TDRD3: variants seen among roughly 807,000 people sequenced by gnomAD.
TDRD3 encodes tudor domain containing 3.
In TDRD3, 45 loss-of-function variants were observed where a neutral mutation model predicts 86.7. The observed-to-expected ratio is 0.52, with a 90% CI of 0.41 to 0.67. The LOEUF is 0.67. TDRD3 is among the 30% of genes least tolerant of loss of function. TDRD3 has a pLI of 0.00. For missense variants in TDRD3, 814 were observed against 889.0 expected (o/e 0.92, Z 1.07); for synonymous variants, 298 against 301.7 (o/e 0.99, Z 0.13).
chr13:60,480,713 G>A (rs1004897285), intron 5 of TDRD3, among the ~76,000 whole-genome samples: 3 of 152,118 alleles, frequency 2.0e-5, no homozygotes, highest in Non-Finnish European at 4.4e-5. Flanking sequence ...CAGGTTGGGG[G>A]TGTTTTCACA....
chr13:60,508,936 C>CA (rs1956995172), intron 8 of TDRD3, among the ~76,000 whole-genome samples: 1 of 152,270 alleles, frequency 6.6e-6, no homozygotes, highest in Non-Finnish European at 1.5e-5. Context: ...ATAGAAACCA[C>CA]ACCTCAAATA....
chr13:60,432,209 C>A (rs1954971584), intron 1 of TDRD3, among the ~76,000 whole-genome samples: 1 of 151,986 alleles, frequency 6.6e-6, no homozygotes, highest in South Asian at 2.1e-4. Context: ...CTTAATAGAG[C>A]TTTTGCCATG....
upstream of TDRD3, chr13:60,396,310 G>A (rs1203278747): frequency 6.6e-6 from 1 of 152,244 alleles, no homozygotes; most frequent in East Asian, 1.9e-4. Context: ...CCAAGAAGGT[G>A]GAGCAAACTT....
At chr13:60,483,727 A>G (rs781045377) in intron 5 of TDRD3, 48 bp from the exon 6 acceptor site, 1 of 1,528,728 alleles carries the variant, frequency 6.5e-7, no homozygotes. Context: ...TGCTGGAAAT[A>G]TATTTTTTAT....
intron 13 of TDRD3, among the ~76,000 whole-genome samples, chr13:60,572,558 GA>G (rs1417308504): frequency 6.6e-6 from 1 of 152,178 alleles, no homozygotes. Flanking sequence ...GCCTTTGTAA[GA>G]CAGATCAGCA....
chr13:60,395,978 T>C (rs1452737705), upstream of TDRD3, among the ~76,000 whole-genome samples: 4 of 152,202 alleles, frequency 2.6e-5, no homozygotes, highest in Admixed American at 6.5e-5. Context: ...TTTATAACTA[T>C]GACTTTTGGG....
intron 5 of TDRD3, among the ~76,000 whole-genome samples, chr13:60,474,879 C>G (rs1429487269): frequency 7.0e-6 from 1 of 143,350 alleles, no homozygotes; most frequent in Non-Finnish European, 1.6e-5. Flanking sequence ...TTTGGTTTGT[C>G]AGAATGTTTT....
At chr13:60,480,787 CA>C (rs1201026954) in intron 5 of TDRD3, among the ~76,000 whole-genome samples, 1 of 151,350 alleles carries the variant, frequency 6.6e-6, no homozygotes, top group Non-Finnish European at 1.5e-5. Context: ...GCCCCACAGG[CA>C]GGGGGTATTA....
rs1454644530 is a variant in TDRD3, at chr13:60,508,143, T to C, written c.859-1620T>C. Among the ~76,000 whole-genome samples the C allele has an allele frequency of 3.3e-5, 5 of 152,142 alleles. No individual in the cohort carries two copies. In the South Asian group the frequency reaches 8.3e-4, roughly 25 times the overall value. On this transcript the variant is annotated intron_variant, in intron 8 of 13. Coordinates refer to ENST00000377881, the MANE Select transcript of TDRD3 (RefSeq NM_001146070.2). ...AGGATACAAACGAATGGAAAAATATTCCATGCTCACGGATAGGAAGAATCA... is the reference window on the plus strand; with the variant it reads ...AGGATACAAACGAATGGAAAAATATCCCATGCTCACGGATAGGAAGAATCA...
intron 13 of TDRD3, among the ~76,000 whole-genome samples, chr13:60,570,992 A>G (rs1273923250): frequency 1.3e-5 from 2 of 152,204 alleles, no homozygotes; most frequent in African/African-American, 2.4e-5. Context: ...GTGGTTTTCT[A>G]TGTTCCCTGA....
At chr13:60,464,607 G>A (rs1221607995) in intron 4 of TDRD3, among the ~76,000 whole-genome samples, 1 of 151,850 alleles carries the variant, frequency 6.6e-6, no homozygotes, top group Non-Finnish European at 1.5e-5. Flanking sequence ...CACATACACT[G>A]GAATATTATT....
intron 5 of TDRD3, among the ~76,000 whole-genome samples, chr13:60,469,103 G>GT (rs1956017767): frequency 6.6e-6 from 1 of 151,998 alleles, no homozygotes. Flanking sequence ...TTGGGTTGCT[G>GT]TACTATGCAA....
At chr13:60,438,332 G>A (rs1231469280) in intron 1 of TDRD3, among the ~76,000 whole-genome samples, 6 of 151,930 alleles carry the variant, frequency 3.9e-5, no homozygotes, top group Admixed American at 6.6e-5. Flanking sequence ...TGTATTCCAT[G>A]GTCACTTATA....
At chr13:60,538,671 A>ATG (rs759556391) in intron 12 of TDRD3, among the ~76,000 whole-genome samples, 18 of 152,170 alleles carry the variant, frequency 1.2e-4, no homozygotes, top group Non-Finnish European at 2.4e-4. Flanking sequence ...GGGGCAAAGA[A>ATG]AACCTGCTAC....
intron 1 of TDRD3, among the ~76,000 whole-genome samples, chr13:60,408,789 A>G (rs1466726104): frequency 6.6e-6 from 1 of 152,188 alleles, no homozygotes; most frequent in African/African-American, 2.4e-5. Flanking sequence ...ACTAAGTGAT[A>G]GAAAAGAAAA....
At chr13:60,475,205 A>T (rs777642962) in intron 5 of TDRD3, among the ~76,000 whole-genome samples, 15 of 151,954 alleles carry the variant, frequency 9.9e-5, no homozygotes, top group Non-Finnish European at 1.5e-4. Context: ...TGAGCATAGT[A>T]CCCTATAGGT....
intron 10 of TDRD3, 24 bp from the exon 11 acceptor site, chr13:60,528,343 A>T: frequency 1.3e-6 from 2 of 1,556,908 alleles, no homozygotes; most frequent in Non-Finnish European, 1.7e-6. Context: ...CTTAATTTGC[A>T]TATGGTATAC....
chr13:60,440,766 T>TAC, intron 2 of TDRD3, among the ~76,000 whole-genome samples: 1 of 152,304 alleles, frequency 6.6e-6, no homozygotes, highest in South Asian at 2.1e-4. Flanking sequence ...TATAATAAGC[T>TAC]ATAAACAATC....
intron 1 of TDRD3, among the ~76,000 whole-genome samples, chr13:60,410,067 G>C (rs1012595956): frequency 6.6e-6 from 1 of 152,094 alleles, no homozygotes. Flanking sequence ...AAGGGTTTCT[G>C]CTTTTGCTTC....
Sources: gnomAD v4.1 joint callset for allele counts (sites outside exome capture counted in the v4.1 genomes callset) on GRCh38, gnomAD v4.1.1 for gene constraint, MANE v1.5 for transcripts, NCBI Gene and HGNC (gene_info 2026-07-23, HGNC 2026-07-21) for gene names.